Variants in CARD16 observed in about 807,000 individuals in gnomAD.
The protein encoded by CARD16 is caspase recruitment domain family member 16, also known as caspase recruitment domain-containing protein 16.
A neutral mutation model predicts 11.9 loss-of-function variants in CARD16; 8 were observed. The ratio of observed to expected loss-of-function variants is 0.67; its 90% CI spans 0.39 to 1.21. CARD16 has a LOEUF of 1.21. CARD16 is among the 50% of genes most tolerant of loss of function. The probability of loss-of-function intolerance (pLI) is 0.01; values close to 1 mark genes in which losing one functional copy is unlikely to be tolerated. For synonymous variants in CARD16, 44 were observed against 43.8 expected (o/e 1.00, Z -0.02); for missense variants, 131 against 118.1 (o/e 1.11, Z -0.51).
chr11:105,042,448 G>T (rs1382621054), intron 3 of CARD16, among the ~76,000 whole-genome samples: 1 of 146,554 alleles, frequency 6.8e-6, no homozygotes, highest in African/African-American at 2.5e-5. Context: ...ACAATGTGAT[G>T]CACTTGTTAA....
At chr11:105,042,265 C>T (rs559957283) in intron 3 of CARD16, among the ~76,000 whole-genome samples, 81 of 152,028 alleles carry the variant, frequency 5.3e-4, no homozygotes, top group Non-Finnish European at 8.5e-4. Flanking sequence ...ATATTGAATA[C>T]GTAAACTAGA....
chr11:105,044,965 A>G (rs1864174060), intron 1 of CARD16: 5 of 603,466 alleles, frequency 8.3e-6, no homozygotes, highest in Non-Finnish European at 1.4e-5. Context: ...GAAATAGCCC[A>G]TTTCATTTAG....
At position 105,043,515 on chromosome 11, in the gene CARD16, T is replaced by G. The variant is rs1864144521; in HGVS notation, c.*11A>C. On this transcript the variant is annotated 3_prime_UTR_variant, in exon 3 of 4. Coordinates refer to ENST00000673097, the MANE Select transcript of CARD16 (RefSeq NM_052889.4). ...GGAAGAAAATAGTAATTGGGAGTCTTGTGTACTAAGCTAATTTCCAGGTAT... is the reference window on the plus strand; with the variant it reads ...GGAAGAAAATAGTAATTGGGAGTCTGGTGTACTAAGCTAATTTCCAGGTAT... The G allele has an allele frequency of 4.3e-6, 7 of 1,610,576 alleles. No individual in the cohort carries two copies. Among genetic ancestry groups the G allele is most frequent in the Non-Finnish European group, 5.9e-6 (7 of 1,177,384 alleles).
At chr11:105,043,574 G>C in intron 2 of CARD16, 29 bp from the exon 3 acceptor site, 2 of 1,525,244 alleles carry the variant, frequency 1.3e-6, no homozygotes, top group Non-Finnish European at 1.8e-6. Context: ...CATTGAAATA[G>C]CCACTTATCA....
rs1354449118 is a variant in CARD16, at chr11:105,043,513, C to G, written c.*13G>C. On this transcript the variant is annotated 3_prime_UTR_variant, in exon 3 of 4. Coordinates refer to ENST00000673097, the MANE Select transcript of CARD16 (RefSeq NM_052889.4). ...AAGGAAGAAAATAGTAATTGGGAGT[C>G]TTGTGTACTAAGCTAATTTCCAGGT... 6.2e-7 allele frequency: 1 copy of G among 1,610,306 alleles called. No individual in the cohort carries two copies. The highest frequency in any genetic ancestry group is 1.3e-5 in the African/African-American group (1 of 74,756).
rs1864160273 is a variant in CARD16, at chr11:105,044,451, C to T, written c.215G>A (p.Cys72Tyr). ...IPKGAQACQI[C>Y]ITYICEEDSY... ...GTCTTCTTCACAAATGTATGTGATG[C>T]AAATTTGGCATGCCTGTGCCCCTTT... Residue 72 changes from cysteine to tyrosine, a missense_variant, in exon 2 of 4, where the codon TGC becomes TAC. Cys to Tyr is a radical substitution (Grantham distance 194). Transcript: ENST00000673097. 3.7e-6 allele frequency: 6 copies of T among 1,614,144 alleles called. No homozygotes were observed. The East Asian group carries it at 1.3e-4, about 36-fold the overall frequency.
intron 2 of CARD16, 54 bp from the exon 3 acceptor site, chr11:105,043,599 T>C: frequency 8.1e-7 from 1 of 1,238,472 alleles, no homozygotes; most frequent in Non-Finnish European, 1.2e-6. Context: ...TGGAAAACTT[T>C]ACAGCAATGC....
intron 2 of CARD16, 96 bp from the exon 3 acceptor site, chr11:105,043,641 C>A: frequency 1.2e-6 from 1 of 808,416 alleles, no homozygotes. Flanking sequence ...ATTCCTCCCA[C>A]AACCCTGACT....
chr11:105,045,018 C>T (rs867157503), intron 1 of CARD16: 3 of 608,420 alleles, frequency 4.9e-6, no homozygotes, highest in Non-Finnish European at 8.7e-6. Flanking sequence ...ATTCTGTACC[C>T]TCTGTCAGAC....
In CARD16 at chr11:105,044,835, A is replaced by G. The variant is rs1864171890; in HGVS notation, c.8-177T>C. 4.3e-6 allele frequency: 5 copies of G among 1,172,854 alleles called. No homozygotes were observed. In the Admixed American group the frequency reaches 1.2e-4, roughly 28 times the overall value. The allele number at this position is 1,172,854 out of a possible 1,614,324, so 72.7% of individuals were successfully genotyped here. ...ACTTGTTTCCCTCAGTAGTCCCCAT[A>G]TATGTGCATGGAGTGACCTGAAGAC... is the stretch of plus-strand genomic sequence containing the variant. On this transcript the variant is annotated intron_variant, in intron 1 of 3. Coordinates refer to ENST00000673097, the MANE Select transcript of CARD16 (RefSeq NM_052889.4).
At chr11:105,043,799 C>A in intron 2 of CARD16, 1 of 411,316 alleles carries the variant, frequency 2.4e-6, no homozygotes, top group Non-Finnish European at 4.4e-6. Context: ...CCAGGCCTCC[C>A]AGTATGATCT....
Position 105,041,607 on chromosome 11 carries a change from C to T in CARD16, c.*156G>A, listed in dbSNP as rs150988687. 1.2e-6 allele frequency: 2 copies of T among 1,614,056 alleles called. No homozygotes were observed. Among genetic ancestry groups the T allele is most frequent in the Non-Finnish European group, 1.7e-6 (2 of 1,179,950 alleles). On this transcript the variant is annotated 3_prime_UTR_variant, in exon 4 of 4. Transcript: ENST00000673097. ...TTATTGTATTCTGAACATGGCACCT[C>T]TGCAACTTTTGTTTCCATATCCTTT...
intron 2 of CARD16, chr11:105,043,842 A>T: frequency 3.1e-6 from 1 of 324,678 alleles, no homozygotes; most frequent in Non-Finnish European, 5.3e-6. Context: ...GATCTTACTC[A>T]AAAGAAAATG....
At chr11:105,041,826 C>T (rs1792774) in intron 3 of CARD16, 107 bp from the exon 4 acceptor site, 106,999 of 1,040,004 alleles carry the variant, frequency 0.1, 6,352 homozygotes, top group Admixed American at 0.24. Context: ...GAGGACAATC[C>T]TAATCTAGTC....
chr11:105,043,455 A>G lies in CARD16; in HGVS notation c.*43+28T>C. ...ATGTTAAAGAAGATGGGGTTCAAAG[A>G]ATGCTCTTCATTGAAAAACAACATT... On this transcript the variant is annotated intron_variant, in intron 3 of 3. Coordinates refer to ENST00000673097, the MANE Select transcript of CARD16 (RefSeq NM_052889.4). The G allele has an allele frequency of 2.0e-6, 3 of 1,526,450 alleles. 1 individual carries two copies. In the South Asian group the frequency reaches 3.4e-5, roughly 17 times the overall value. The allele number at this position is 1,526,450 out of a possible 1,614,324, so 94.6% of individuals were successfully genotyped here.
chr11:105,044,278 C>G, intron 2 of CARD16, 114 bp downstream of exon 2: 2 of 1,540,616 alleles, frequency 1.3e-6, no homozygotes, highest in Non-Finnish European at 1.8e-6. Context: ...GAAATATGGC[C>G]CAAAGGCAGA....
intron 3 of CARD16, 144 bp from the exon 4 acceptor site, chr11:105,041,863 C>A (rs532867584): frequency 6.4e-5 from 47 of 734,200 alleles, no homozygotes; most frequent in Non-Finnish European, 9.6e-5. Context: ...GCGTTTGCTG[C>A]TAATGGAGCA....
intron 2 of CARD16, 64 bp from the exon 3 acceptor site, chr11:105,043,609 C>A: frequency 9.3e-7 from 1 of 1,079,872 alleles, no homozygotes; most frequent in East Asian, 2.4e-5. Flanking sequence ...TACAGCAATG[C>A]ATAAGCCACT....
In CARD16 at chr11:105,041,703, C is replaced by T; in HGVS notation, c.*60G>A. 6.2e-7 allele frequency: 1 copy of T among 1,613,762 alleles called. No homozygotes were observed. Among genetic ancestry groups the T allele is most frequent in the Non-Finnish European group, 8.5e-7 (1 of 1,179,816 alleles). Reference sequence around the variant, plus strand: ...AGCATGTGGGCATAGCTGGGTTGTCCTGCACTGCCTGAAGAGCTGCAAGAG... The same window carrying T: ...AGCATGTGGGCATAGCTGGGTTGTCTTGCACTGCCTGAAGAGCTGCAAGAG... On this transcript the variant is annotated 3_prime_UTR_variant, in exon 4 of 4. Coordinates refer to ENST00000673097, the MANE Select transcript of CARD16 (RefSeq NM_052889.4).
Sources: allele counts gnomAD v4.1 joint callset (sites outside exome capture counted in the v4.1 genomes callset), GRCh38; gene constraint gnomAD v4.1.1; transcripts MANE v1.5; gene names NCBI Gene and HGNC (gene_info 2026-07-23, HGNC 2026-07-21).